The following PHC2 variants were observed in gnomAD, a reference collection of about 807,000 sequenced individuals.
PHC2 encodes polyhomeotic-like protein 2.
Under a neutral mutation model 87.4 loss-of-function variants are expected in PHC2, and 29 were observed. The observed-to-expected ratio is 0.33, with a 90% CI of 0.25 to 0.45. PHC2 has a LOEUF of 0.45. PHC2 is among the 20% of genes least tolerant of loss of function. The probability of loss-of-function intolerance (pLI) is 1.00; values close to 1 mark genes in which losing one functional copy is unlikely to be tolerated. For synonymous variants in PHC2, 438 were observed against 461.7 expected, an observed-to-expected ratio of 0.95 and a Z score of 0.66; for missense variants, 857 against 1,136.7, an observed-to-expected ratio of 0.75 and a Z score of 3.54.
In PHC2 at chr1:33,334,324, G is replaced by A; in HGVS notation, c.1559-32C>T. 1 of 1,598,620 alleles carries A rather than the reference G, an allele frequency of 6.3e-7. No homozygotes were observed. Among genetic ancestry groups the A allele is most frequent in the Non-Finnish European group, 8.6e-7 (1 of 1,167,724 alleles). On this transcript the variant is annotated intron_variant, in intron 9 of 14. Coordinates refer to ENST00000683057, the MANE Select transcript of PHC2 (RefSeq NM_001385109.1). The surrounding 1 kb of genome is among the most constrained non-coding windows in gnomAD (Gnocchi z 5.5). ...GAGAGAGAGTAGGAAAACAAAGCAG[G>A]GGAGATCAGAACCAGAGTCCACGCC...
intron 1 of PHC2, among the ~76,000 whole-genome samples, chr1:33,412,436 A>G (rs899973604): frequency 6.6e-6 from 1 of 151,420 alleles, no homozygotes; most frequent in African/African-American, 2.4e-5. Context: ...ACTAAACATC[A>G]CTTTTCCTTT....
intron 1 of PHC2, among the ~76,000 whole-genome samples, chr1:33,394,308 A>G (rs1649206591): frequency 6.6e-6 from 1 of 152,170 alleles, no homozygotes; most frequent in African/African-American, 2.4e-5. Flanking sequence ...AAGAAAAAAA[A>G]AAGTAAAGGA....
chr1:33,378,272 G>A (rs977699082), intron 1 of PHC2, among the ~76,000 whole-genome samples: 4 of 152,108 alleles, frequency 2.6e-5, no homozygotes, highest in African/African-American at 9.7e-5. Context: ...AGTGGTAGGA[G>A]GTATAATTCC....
rs1170025064 is a variant in PHC2, at chr1:33,331,211, TC to T, written c.2006+136del. ...CGTGCTTGTTGAATTAGGGATGCCA[TC>T]CTGCTTCCAGGTGGGTCGAGGAACT... is the stretch of plus-strand genomic sequence containing the variant. On this transcript the variant is annotated intron_variant, in intron 12 of 14. Transcript: ENST00000683057. This position sits in a 1 kb window ranked among gnomAD's most constrained non-coding sequence, Gnocchi z 5.2. The T allele has an allele frequency of 9.7e-5, 49 of 505,404 alleles. No individual in the cohort carries two copies. Among genetic ancestry groups the T allele is most frequent in the Non-Finnish European group, 1.6e-4 (45 of 283,418 alleles). The allele number at this position is 505,404 out of a possible 1,614,324, so 31.3% of individuals were successfully genotyped here.
At chr1:33,411,395 G>A (rs981464912) in intron 1 of PHC2, among the ~76,000 whole-genome samples, 1 of 150,808 alleles carries the variant, frequency 6.6e-6, no homozygotes, top group African/African-American at 2.4e-5. Flanking sequence ...ACTACCTTAA[G>A]ATACTGCTAG....
At chr1:33,408,671 T>C (rs926417388) in intron 1 of PHC2, among the ~76,000 whole-genome samples, 4 of 152,174 alleles carry the variant, frequency 2.6e-5, no homozygotes, top group Admixed American at 2.0e-4. Flanking sequence ...TTCACCATGT[T>C]GGCCAGGCTG....
At chr1:33,429,539 C>T (rs1007437129) in intron 1 of PHC2, among the ~76,000 whole-genome samples, 1 of 152,228 alleles carries the variant, frequency 6.6e-6, no homozygotes, top group African/African-American at 2.4e-5. Flanking sequence ...GGAAAGCCTT[C>T]CCTGGTCCTC....
intron 7 of PHC2, among the ~76,000 whole-genome samples, chr1:33,356,295 T>TACGTA (rs1647084160): frequency 1.2e-5 from 1 of 83,518 alleles, no homozygotes; most frequent in Non-Finnish European, 3.3e-5. Context: ...ATATATATAT[T>TACGTA]TATTTATTTA....
chr1:33,367,672 T>G (rs1647557583), intron 6 of PHC2, among the ~76,000 whole-genome samples: 1 of 152,100 alleles, frequency 6.6e-6, no homozygotes, highest in Admixed American at 6.5e-5. Flanking sequence ...GAGAAGGACC[T>G]GCTGCCCAGC....
At chr1:33,362,399 TTTTG>T (rs1362041970) in intron 7 of PHC2, among the ~76,000 whole-genome samples, 1 of 152,142 alleles carries the variant, frequency 6.6e-6, no homozygotes, top group Non-Finnish European at 1.5e-5. Flanking sequence ...GATGCATGGT[TTTTG>T]TTTTACAAAT....
At position 33,332,513 on chromosome 1, in the gene PHC2, C is replaced by A; in HGVS notation, c.1762-109G>T. The A allele has an allele frequency of 8.0e-7, 1 of 1,251,914 alleles. No individual in the cohort carries two copies. The highest frequency in any genetic ancestry group is 1.8e-5 in the Admixed American group (1 of 55,084). The allele number at this position is 1,251,914 out of a possible 1,614,324, so 77.6% of individuals were successfully genotyped here. A position where few individuals can be genotyped will look rare whatever the true frequency, so the allele number is the denominator to read the frequency against. ...AAAGTATCCAGGCACAGAGGCCAGC[C>A]CTCCTCAAACCTTCCCCCATGTCAT... On this transcript the variant is annotated intron_variant, in intron 10 of 14. Coordinates refer to ENST00000683057, the MANE Select transcript of PHC2 (RefSeq NM_001385109.1). The surrounding 1 kb of genome is among the most constrained non-coding windows in gnomAD (Gnocchi z 4.2).
intron 1 of PHC2, among the ~76,000 whole-genome samples, chr1:33,430,604 G>A (rs1008118048): frequency 3.9e-5 from 6 of 152,078 alleles, no homozygotes; most frequent in African/African-American, 1.4e-4. Flanking sequence ...GAGAAAGCGA[G>A]TCACTGACGG....
chr1:33,375,476 C>T lies in PHC2; in HGVS notation c.64G>A (p.Gly22Arg), dbSNP rs542882231. The change falls in exon 2 of 15, where the codon GGG becomes AGG. Residue 22 changes from glycine to arginine, a missense_variant. Physicochemically the swap from Gly to Arg is moderately radical, Grantham distance 125. This residue lies in a region of PHC2 where 832 missense variants were observed against 1,081.8 expected (regional missense o/e 0.77). Transcript: ENST00000683057. Reference protein sequence around the residue: ...SSACATSSTSGASSSSGCNNS... With the variant: ...SSACATSSTSRASSSSGCNNS... ...TTGCAGCCACTGCTGCTACTGGCCCCGCTGGTACTGCTGGTGGCACAGGCA... is the reference window on the plus strand; with the variant it reads ...TTGCAGCCACTGCTGCTACTGGCCCTGCTGGTACTGCTGGTGGCACAGGCA... The T allele has an allele frequency of 2.3e-5, 37 of 1,612,088 alleles. No individual in the cohort carries two copies. In the East Asian group the frequency reaches 6.3e-4, roughly 27 times the overall value.
At chr1:33,399,613 T>C (rs978740383) in intron 1 of PHC2, among the ~76,000 whole-genome samples, 1 of 152,218 alleles carries the variant, frequency 6.6e-6, no homozygotes, top group Non-Finnish European at 1.5e-5. Context: ...CATAACCTAA[T>C]GTGTGGCTTA....
intron 1 of PHC2, among the ~76,000 whole-genome samples, chr1:33,391,170 GC>G (rs1218904211): frequency 6.6e-6 from 1 of 152,164 alleles, no homozygotes; most frequent in South Asian, 2.1e-4. Flanking sequence ...AGAATGCTGG[GC>G]CTCACCCATC....
At chr1:33,356,617 A>G (rs1374550954) in intron 7 of PHC2, among the ~76,000 whole-genome samples, 1 of 152,186 alleles carries the variant, frequency 6.6e-6, no homozygotes, top group African/African-American at 2.4e-5. Context: ...GGGTAAGGTT[A>G]TAGATTAACA....
Position 33,331,331 on chromosome 1 carries a change from G to A in PHC2, c.2006+17C>T. ...AAGTGCAGTCCTGGGGAAATGGAGG[G>A]GGCTGGGGCCACTCACCTCTTTGCA... On this transcript the variant is annotated intron_variant, in intron 12 of 14. Transcript: ENST00000683057. The surrounding 1 kb of genome is among the most constrained non-coding windows in gnomAD (Gnocchi z 5.2). The A allele has an allele frequency of 3.6e-6, 5 of 1,390,192 alleles. No individual in the cohort carries two copies. The highest frequency in any genetic ancestry group is 5.1e-6 in the Non-Finnish European group (5 of 977,450). The allele number at this position is 1,390,192 out of a possible 1,614,324, so 86.1% of individuals were successfully genotyped here. A position where few individuals can be genotyped will look rare whatever the true frequency, so the allele number is the denominator to read the frequency against.
chr1:33,349,649 C>A lies in PHC2; in HGVS notation c.1558+4752G>T. The A allele has an allele frequency of 1.0e-6, 1 of 983,276 alleles. No homozygotes were observed. The highest frequency in any genetic ancestry group is 1.2e-6 in the Non-Finnish European group (1 of 829,380). 60.9% of individuals were successfully genotyped at this position (983,276 alleles called of 1,614,324 possible). A position where few individuals can be genotyped will look rare whatever the true frequency, so the allele number is the denominator to read the frequency against. On this transcript the variant is annotated intron_variant, in intron 9 of 14. Transcript: ENST00000683057. The surrounding 1 kb of genome is among the most constrained non-coding windows in gnomAD (Gnocchi z 4.2). ...GGGCGGGGCCTACGCAGCCCCTCGG[C>A]CGGGCGCCGACTCGCGCGGGGTCCC...
At chr1:33,394,012 G>C (rs1199519408) in intron 1 of PHC2, among the ~76,000 whole-genome samples, 2 of 152,158 alleles carry the variant, frequency 1.3e-5, no homozygotes, top group East Asian at 3.8e-4. Flanking sequence ...GCAGAGTTAA[G>C]GAATCTCATG....
Sources: allele counts gnomAD v4.1 joint callset (sites outside exome capture counted in the v4.1 genomes callset), GRCh38; gene constraint gnomAD v4.1.1; regional missense constraint gnomAD v4.1.1; non-coding constraint Gnocchi (gnomAD v3.1); transcripts MANE v1.5; gene names NCBI Gene and HGNC (gene_info 2026-07-23, HGNC 2026-07-21).